Variants in IMPDH1 observed in about 807,000 individuals in gnomAD.
IMPDH1 encodes inosine monophosphate dehydrogenase 1.
A neutral mutation model predicts 73.5 loss-of-function variants in IMPDH1; 41 were observed. That is an observed-to-expected ratio of 0.56 (90% confidence interval 0.43 to 0.72). The LOEUF is 0.72. Among genes scored for constraint, IMPDH1 ranks in the 30% least tolerant of loss-of-function variants. The pLI, the probability that IMPDH1 is intolerant of heterozygous loss-of-function variation, is 0.00. For synonymous variants in IMPDH1, 318 were observed against 334.3 expected (o/e 0.95, Z 0.53); for missense variants, 645 against 824.8 (o/e 0.78, Z 2.67).
rs139785999 is a variant in IMPDH1 at position 128,394,488 on chromosome 7, C to T, written c.1662G>A (p.Gln554=). 2.4e-4 allele frequency: 395 copies of T among 1,614,116 alleles called. 8 individuals are homozygous for T. Among genetic ancestry groups the T allele is most frequent in the South Asian group, 2.4e-3 (219 of 91,082 alleles). ...YLIAGIQHGC[Q]DIGARSLSVL... ...CAGACAGGCTGCGGGCCCCGATATC[C>T]TGGCAGCCGTGTTGGATGCCTGCTA... The change falls in exon 15 of 17, where the codon CAG becomes CAA. Residue 554 remains glutamine, a synonymous_variant. Coordinates refer to ENST00000338791, the MANE Select transcript of IMPDH1 (RefSeq NM_000883.4). This position sits in a 1 kb window ranked among gnomAD's most constrained non-coding sequence, Gnocchi z 5.5.
intron 4 of IMPDH1, 25 bp downstream of exon 4, chr7:128,405,742 T>TAGGG (rs974092289): frequency 1.3e-6 from 2 of 1,525,730 alleles, no homozygotes; most frequent in African/African-American, 2.9e-5. Context: ...TGCGCGCACC[T>TAGGG]AGGGGTACGA....
In IMPDH1 at chr7:128,405,860, G is replaced by A. The variant is rs1487790879; in HGVS notation, c.260C>T (p.Ala87Val). Residue 87 changes from alanine (A) to valine (V), a missense_variant, in exon 4 of 17, where the codon GCG becomes GTG. This residue lies in a region of IMPDH1 where 186 missense variants were observed against 186.6 expected (regional missense o/e 1.00). Coordinates refer to ENST00000338791, the MANE Select transcript of IMPDH1 (RefSeq NM_000883.4). ...QMDRLRRASM[A>V]DYLISGGTGY... ...GGTGCCGCCGCTGATCAGGTAGTCCGCCATGCTGCCGCGAGACCCCGCGAC... is the reference window on the plus strand; with the variant it reads ...GGTGCCGCCGCTGATCAGGTAGTCCACCATGCTGCCGCGAGACCCCGCGAC... 1 of 1,526,966 alleles carries A rather than the reference G, an allele frequency of 6.5e-7. No individual in the cohort carries two copies. The highest frequency in any genetic ancestry group is 2.0e-5 in the Admixed American group (1 of 49,574). 94.6% of individuals were successfully genotyped at this position (1,526,966 alleles called of 1,614,324 possible).
At chr7:128,409,567 T>C in intron 1 of IMPDH1, 83 bp from the exon 2 acceptor site, 2 of 1,551,124 alleles carry the variant, frequency 1.3e-6, no homozygotes, top group Non-Finnish European at 1.8e-6. Context: ...CTTCGCACAG[T>C]GCCCGTCTGC....
intron 5 of IMPDH1, 71 bp downstream of exon 5, chr7:128,403,635 C>T: frequency 7.3e-7 from 1 of 1,365,474 alleles, no homozygotes; most frequent in South Asian, 1.2e-5. Context: ...ATGCCCTGCC[C>T]CTGAGCAAGA....
intron 10 of IMPDH1, 129 bp from the exon 11 acceptor site, chr7:128,397,151 GTTTT>G (rs200212855): frequency 1.4e-4 from 78 of 550,852 alleles, no homozygotes; most frequent in East Asian, 3.4e-4. Context: ...CCTTCTGGTT[GTTTT>G]TTTTTTTTTT....
intron 3 of IMPDH1, among the ~76,000 whole-genome samples, chr7:128,408,580 T>TG (rs1798929512): frequency 7.2e-6 from 1 of 139,860 alleles, no homozygotes; most frequent in East Asian, 2.4e-4. Flanking sequence ...GCGGGTCGGT[T>TG]GGGGGTGGGG....
chr7:128,396,924 G>A lies in IMPDH1; in HGVS notation c.1165+8C>T, dbSNP rs577834994. On this transcript the variant is annotated splice_region_variant and intron_variant, in intron 11 of 16. Transcript: ENST00000338791. This position sits in a 1 kb window ranked among gnomAD's most constrained non-coding sequence, Gnocchi z 4.0. The stretch of plus-strand genomic sequence containing the variant: ...GAGCAGGCGGGTGGGAGGCGACCCC[G>A]CACTCACCGTTCCCCCCAATCACCT... The A allele has an allele frequency of 2.2e-5, 36 of 1,605,396 alleles. 1 individual carries two copies. The highest frequency in any genetic ancestry group is 3.0e-5 in the Non-Finnish European group (35 of 1,172,632).
chr7:128,406,396 C>T (rs72624943), intron 3 of IMPDH1, among the ~76,000 whole-genome samples: 1,939 of 149,730 alleles, frequency 0.013, 48 homozygotes, highest in African/African-American at 0.045. Context: ...TTCTGCCGTT[C>T]CCCAATCCCC....
intron 4 of IMPDH1, among the ~76,000 whole-genome samples, chr7:128,404,741 C>T (rs1798588195): frequency 6.6e-6 from 1 of 152,200 alleles, no homozygotes; most frequent in Admixed American, 6.5e-5. Context: ...CTTTCAATCT[C>T]ATCACCAAAG....
intron 7 of IMPDH1, 77 bp from the exon 8 acceptor site, chr7:128,400,616 G>C: frequency 7.0e-7 from 1 of 1,423,590 alleles, no homozygotes. Flanking sequence ...GGGAACAGAG[G>C]ATGCAGCTGT....
At chr7:128,406,251 A>G (rs1436103828) in intron 3 of IMPDH1, among the ~76,000 whole-genome samples, 5 of 137,174 alleles carry the variant, frequency 3.6e-5, no homozygotes, top group African/African-American at 1.4e-4. Context: ...GCCGCTCTAC[A>G]TCCAGCCACC....
At chr7:128,397,814 T>G (rs993653066) in intron 10 of IMPDH1, among the ~76,000 whole-genome samples, 7 of 152,202 alleles carry the variant, frequency 4.6e-5, no homozygotes, top group African/African-American at 1.7e-4. Flanking sequence ...AGAATTGGGC[T>G]TCAAGTGTAC....
rs1584715337 is a variant in IMPDH1, at chr7:128,394,952, T to G, written c.1487A>C (p.Tyr496Ser). 1 of 1,613,670 alleles carries G rather than the reference T, an allele frequency of 6.2e-7. No individual in the cohort carries two copies. Among genetic ancestry groups the G allele is most frequent in the Admixed American group, 1.7e-5 (1 of 60,002 alleles). The change falls in exon 14 of 17, where the codon TAC (tyrosine) becomes TCC (serine). Residue 496 changes from tyrosine (Y) to serine (S), a missense_variant. This residue lies in a region of IMPDH1 where 459 missense variants were observed against 638.2 expected (regional missense o/e 0.72). Coordinates refer to ENST00000338791, the MANE Select transcript of IMPDH1 (RefSeq NM_000883.4). The surrounding 1 kb of genome is among the most constrained non-coding windows in gnomAD (Gnocchi z 5.5). ...GGCATCCAGTGAGCCCATGCCCCGG[T>G]ACTTCTTGAGCCGCACCCCGTCTGA... Reference protein sequence around the residue: ...FFSDGVRLKKYRGMGSLDAME... With the variant: ...FFSDGVRLKKSRGMGSLDAME...
chr7:128,394,898 C>T lies in IMPDH1; in HGVS notation c.1541G>A (p.Arg514Gln). ...AMEKSSSSQK[R>Q]YFSEGDKVKI... ...CCCAGGGTCAGGGAACCTGAAGTAT[C>T]GTTTCTGGCTGCTGCTGCTCTTCTC... The change falls in exon 14 of 17, where the codon CGA becomes CAA. Residue 514 changes from arginine to glutamine, a missense_variant. By Grantham distance (43) the Arg-to-Gln change is conservative. Transcript: ENST00000338791. The surrounding 1 kb of genome is among the most constrained non-coding windows in gnomAD (Gnocchi z 5.5). 1 of 1,612,002 alleles carries T rather than the reference C, an allele frequency of 6.2e-7. No individual in the cohort carries two copies. Among genetic ancestry groups the T allele is most frequent in the Non-Finnish European group, 8.5e-7 (1 of 1,180,028 alleles).
Position 128,409,781 on chromosome 7 carries a change from G to A in IMPDH1, c.121C>T (p.Leu41=). 1 of 1,519,808 alleles carries A rather than the reference G, an allele frequency of 6.6e-7. No individual in the cohort carries two copies. Among genetic ancestry groups the A allele is most frequent in the Non-Finnish European group, 8.8e-7 (1 of 1,140,590 alleles). 94.1% of individuals were successfully genotyped at this position (1,519,808 alleles called of 1,614,324 possible). The change falls in exon 1 of 17, where the codon CTG becomes TTG. Residue 41 remains leucine (L), a synonymous_variant. Coordinates refer to ENST00000338791, the MANE Select transcript of IMPDH1 (RefSeq NM_000883.4). ...CTCTCGGGCTCGTAGCCGGCCTGCAGCAGTCGGGCGCTGTACCGCTGCGCC... is the reference window on the plus strand; with the variant it reads ...CTCTCGGGCTCGTAGCCGGCCTGCAACAGTCGGGCGCTGTACCGCTGCGCC... ...TAAQRYSARL[L]QAGYEPESPR...
chr7:128,398,442 G>A lies in IMPDH1; in HGVS notation c.1046C>T (p.Thr349Ile), dbSNP rs772088824. ...GACTATGACGTCGACGCCCGCCTGG[G>A]TGAGCAGGTCCAGACGGTATTTGTC... ...EDDKYRLDLL[T>I]QAGVDVIVLD... The change falls in exon 10 of 17, where the codon ACC becomes ATC. Residue 349 changes from threonine (T) to isoleucine (I), a missense_variant. Thr to Ile is a moderately conservative substitution (Grantham distance 89). Coordinates refer to ENST00000338791, the MANE Select transcript of IMPDH1 (RefSeq NM_000883.4). This position sits in a 1 kb window ranked among gnomAD's most constrained non-coding sequence, Gnocchi z 4.3. 6.2e-7 allele frequency: 1 copy of A among 1,613,432 alleles called. No homozygotes were observed. Among genetic ancestry groups the A allele is most frequent in the South Asian group, 1.1e-5 (1 of 91,062 alleles).
At chr7:128,406,676 A>G (rs1161161764) in intron 3 of IMPDH1, among the ~76,000 whole-genome samples, 1 of 152,144 alleles carries the variant, frequency 6.6e-6, no homozygotes, top group East Asian at 1.9e-4. Context: ...GACAGAGGCA[A>G]AATCTATAGT....
At chr7:128,404,430 C>T (rs1232755753) in intron 4 of IMPDH1, among the ~76,000 whole-genome samples, 2 of 152,184 alleles carry the variant, frequency 1.3e-5, no homozygotes, top group East Asian at 3.9e-4. Context: ...TCACAGCAAA[C>T]TCCGCAAGGG....
chr7:128,394,470 G>A lies in IMPDH1; in HGVS notation c.1680C>T (p.Ser560=). The A allele has an allele frequency of 1.9e-6, 3 of 1,614,114 alleles. No homozygotes were observed. The highest frequency in any genetic ancestry group is 2.5e-6 in the Non-Finnish European group (3 of 1,180,028). The change falls in exon 15 of 17, where the codon AGC becomes AGT. Residue 560 remains serine, a synonymous_variant. Transcript: ENST00000338791. The surrounding 1 kb of genome is among the most constrained non-coding windows in gnomAD (Gnocchi z 5.5). ...TCAGCACTCACCGAAGGACAGACAG[G>A]CTGCGGGCCCCGATATCCTGGCAGC... ...QHGCQDIGAR[S]LSVLRSMMYS...
Sources: allele counts gnomAD v4.1 joint callset (sites outside exome capture counted in the v4.1 genomes callset), GRCh38; gene constraint gnomAD v4.1.1; regional missense constraint gnomAD v4.1.1; non-coding constraint Gnocchi (gnomAD v3.1); transcripts MANE v1.5; gene names NCBI Gene and HGNC (gene_info 2026-07-23, HGNC 2026-07-21).